Variants in RUSC2 observed in about 807,000 individuals in gnomAD.
The protein encoded by RUSC2 is RUN and SH3 domain containing 2, also known as AP-4 complex accessory subunit RUSC2.
Under a neutral mutation model 122.2 loss-of-function variants are expected in RUSC2, and 34 were observed. That is an observed-to-expected ratio of 0.28 (90% confidence interval 0.21 to 0.37). The LOEUF (loss-of-function observed/expected upper bound fraction) is 0.37. Ranked by LOEUF, RUSC2 falls within the 10% of genes least tolerant of loss-of-function variation. RUSC2 has a pLI of 1.00. For synonymous variants in RUSC2, 784 were observed against 790.0 expected, an observed-to-expected ratio of 0.99 and a Z score of 0.13; for missense variants, 1,747 against 1,952.4, an observed-to-expected ratio of 0.89 and a Z score of 1.98.
At chr9:35,508,413 G>T (rs1363509510) in intron 1 of RUSC2, among the ~76,000 whole-genome samples, 1 of 152,222 alleles carries the variant, frequency 6.6e-6, no homozygotes, top group Non-Finnish European at 1.5e-5. Context: ...TGTTTGAGAT[G>T]ACTACTGGAG....
chr9:35,491,084 A>C (rs2132479025), intron 1 of RUSC2, among the ~76,000 whole-genome samples: 1 of 150,366 alleles, frequency 6.7e-6, no homozygotes, highest in East Asian at 2.0e-4. Context: ...TCCGTGATAA[A>C]GAACACAGGC....
intron 1 of RUSC2, among the ~76,000 whole-genome samples, chr9:35,543,746 G>A (rs1041415991): frequency 2.0e-5 from 3 of 152,164 alleles, no homozygotes; most frequent in Non-Finnish European, 4.4e-5. Context: ...TGGGATTACA[G>A]GCATGAGCCA....
Position 35,548,999 on chromosome 9 carries a change from T to C in RUSC2, c.2014+464T>C, listed in dbSNP as rs1020719835. 2.2e-6 allele frequency: 2 copies of C among 927,884 alleles called. No homozygotes were observed. The highest frequency in any genetic ancestry group is 2.6e-6 in the Non-Finnish European group (2 of 778,056). The allele number at this position is 927,884 out of a possible 1,614,324, so 57.5% of individuals were successfully genotyped here. A position where few individuals can be genotyped will look rare whatever the true frequency, so the allele number is the denominator to read the frequency against. ...CTGAGCTGAGATCATACCACTGCAC[T>C]CCAGCCTGGGCAGACAGAGTGAGAT... is the stretch of plus-strand genomic sequence containing the variant. On this transcript the variant is annotated intron_variant, in intron 2 of 11. Transcript: ENST00000361226. The surrounding 1 kb of genome is among the most constrained non-coding windows in gnomAD (Gnocchi z 4.5).
intron 5 of RUSC2, 37 bp downstream of exon 5, chr9:35,556,485 T>A (rs1822023062): frequency 7.5e-6 from 12 of 1,602,200 alleles, no homozygotes; most frequent in Non-Finnish European, 7.7e-6. Flanking sequence ...GGGACTCTGC[T>A]GTCACTACCT....
At chr9:35,508,528 T>C (rs1024392383) in intron 1 of RUSC2, among the ~76,000 whole-genome samples, 8 of 152,224 alleles carry the variant, frequency 5.3e-5, no homozygotes, top group Non-Finnish European at 1.0e-4. Context: ...TGTGTGACAA[T>C]GAATTTCCTC....
rs1307413873 is a variant in RUSC2, at chr9:35,558,051, C to T, written c.3060+61C>T. ...GCAAGCCCTCACCTGTCCCGCGCTA[C>T]CACCTTCCCTTGCTGTCTTGCATTT... On this transcript the variant is annotated intron_variant, in intron 6 of 11. Transcript: ENST00000361226. This position sits in a 1 kb window ranked among gnomAD's most constrained non-coding sequence, Gnocchi z 4.3. 3.2e-6 allele frequency: 5 copies of T among 1,582,772 alleles called. No individual in the cohort carries two copies. Among genetic ancestry groups the T allele is most frequent in the Non-Finnish European group, 3.5e-6 (4 of 1,152,120 alleles).
chr9:35,514,903 A>G (rs947314736), intron 1 of RUSC2, among the ~76,000 whole-genome samples: 1 of 152,202 alleles, frequency 6.6e-6, no homozygotes, highest in African/African-American at 2.4e-5. Flanking sequence ...TGTTCATCAT[A>G]AAGAGACTAC....
In RUSC2 at chr9:35,546,907, A is replaced by C; in HGVS notation, c.386A>C (p.Gln129Pro). The C allele has an allele frequency of 6.3e-7, 1 of 1,580,444 alleles. No homozygotes were observed. Among genetic ancestry groups the C allele is most frequent in the South Asian group, 1.2e-5 (1 of 83,882 alleles). The change falls in exon 2 of 12, where the codon CAG (glutamine) becomes CCG (proline). Residue 129 changes from glutamine to proline, a missense_variant. By Grantham distance (76) the Gln-to-Pro change is moderately conservative. Transcript: ENST00000361226. The surrounding 1 kb of genome is among the most constrained non-coding windows in gnomAD (Gnocchi z 4.3). ...AGCATTGGTGACAGTGCCACCCAGCAGTCCTTCCACCTGCATGGCACTGGC... is the reference window on the plus strand; with the variant it reads ...AGCATTGGTGACAGTGCCACCCAGCCGTCCTTCCACCTGCATGGCACTGGC... Reference protein sequence around the residue: ...DDSIGDSATQQSFHLHGTGQP... With the variant: ...DDSIGDSATQPSFHLHGTGQP...
chr9:35,560,108 G>C lies in RUSC2; in HGVS notation c.3468G>C (p.Leu1156=). 1 of 1,613,078 alleles carries C rather than the reference G, an allele frequency of 6.2e-7. No individual in the cohort carries two copies. The highest frequency in any genetic ancestry group is 1.1e-5 in the South Asian group (1 of 91,080). The change falls in exon 10 of 12, where the codon CTG becomes CTC. Residue 1156 remains leucine, a synonymous_variant. Coordinates refer to ENST00000361226, the MANE Select transcript of RUSC2 (RefSeq NM_014806.5). ...HTVCPGLFEE[L]LLLLQPLALL... is the part of the protein sequence containing the mutation. Reference sequence around the variant, plus strand: ...TGTGTCCCGGCCTCTTTGAAGAGCTGCTGCTGCTGCTACAGCCCCTGGCCC... The same window carrying C: ...TGTGTCCCGGCCTCTTTGAAGAGCTCCTGCTGCTGCTACAGCCCCTGGCCC...
In RUSC2 at chr9:35,561,342, C is replaced by T. The variant is rs1822165574; in HGVS notation, c.4511C>T (p.Thr1504Ile). The T allele has an allele frequency of 6.2e-7, 1 of 1,613,888 alleles. No homozygotes were observed. The highest frequency in any genetic ancestry group is 8.5e-7 in the Non-Finnish European group (1 of 1,179,950). ...GLVPLAYVTLTPTPSPTPGSS... is the reference protein window; with the variant it reads ...GLVPLAYVTLIPTPSPTPGSS... The stretch of plus-strand genomic sequence containing the variant: ...GTGCCCCTGGCCTACGTGACATTGA[C>T]CCCAACTCCAAGTCCAACCCCTGGA... Residue 1504 changes from threonine to isoleucine, a missense_variant, in exon 12 of 12, where the codon ACC becomes ATC. Coordinates refer to ENST00000361226, the MANE Select transcript of RUSC2 (RefSeq NM_014806.5).
intron 1 of RUSC2, among the ~76,000 whole-genome samples, chr9:35,518,143 A>G (rs1281154878): frequency 6.6e-6 from 1 of 152,200 alleles, no homozygotes; most frequent in Non-Finnish European, 1.5e-5. Flanking sequence ...TGTTGTTCTG[A>G]TGACCAAGTG....
rs571960247 is a variant in RUSC2 at position 35,559,335 on chromosome 9, A to AGG, written c.3388+64_3388+65dup. 33 of 1,364,460 alleles carry AGG rather than the reference A, an allele frequency of 2.4e-5. No individual in the cohort carries two copies. In the Admixed American group the frequency reaches 2.7e-4, roughly 11 times the overall value. The allele number at this position is 1,364,460 out of a possible 1,614,324, so 84.5% of individuals were successfully genotyped here. On this transcript the variant is annotated intron_variant, in intron 9 of 11. Transcript: ENST00000361226. ...CAGAATTCAGAGGCACAAAAGAGGAAGGAAGAGCTGTCTTTTCATTGCTGG... is the reference window on the plus strand; with the variant it reads ...CAGAATTCAGAGGCACAAAAGAGGAAGGGGAAGAGCTGTCTTTTCATTGCTGG...
At chr9:35,513,566 C>T (rs1821048739) in intron 1 of RUSC2, among the ~76,000 whole-genome samples, 1 of 150,460 alleles carries the variant, frequency 6.6e-6, no homozygotes, top group Non-Finnish European at 1.5e-5. Context: ...TTGTAAATTG[C>T]TTATTTAAAA....
At chr9:35,550,168 C>T (rs1037336735) in intron 2 of RUSC2, among the ~76,000 whole-genome samples, 1 of 151,378 alleles carries the variant, frequency 6.6e-6, no homozygotes, top group Non-Finnish European at 1.5e-5. Flanking sequence ...CGAGATCACG[C>T]CACTGCACTC....
intron 1 of RUSC2, among the ~76,000 whole-genome samples, chr9:35,517,603 T>C (rs183510679): frequency 3.9e-5 from 6 of 152,324 alleles, no homozygotes; most frequent in Non-Finnish European, 7.4e-5. Context: ...TTATTATAAG[T>C]TAGTGGAAAT....
At chr9:35,535,531 TCTC>T in intron 1 of RUSC2, among the ~76,000 whole-genome samples, 1 of 149,426 alleles carries the variant, frequency 6.7e-6, no homozygotes, top group Non-Finnish European at 1.5e-5. Flanking sequence ...ACAAGGAGCT[TCTC>T]TTTTTTTTTT....
intron 1 of RUSC2, among the ~76,000 whole-genome samples, chr9:35,544,935 T>C (rs939407126): frequency 7.2e-5 from 11 of 152,184 alleles, no homozygotes; most frequent in African/African-American, 2.7e-4. Context: ...CTCTACCCAT[T>C]AGCCCATTAA....
chr9:35,501,188 A>G (rs1820811861), intron 1 of RUSC2, among the ~76,000 whole-genome samples: 1 of 152,230 alleles, frequency 6.6e-6, no homozygotes, highest in Non-Finnish European at 1.5e-5. Flanking sequence ...TGGGAGAAGT[A>G]GTCTAACCTG....
chr9:35,516,434 T>G (rs533158054), intron 1 of RUSC2, among the ~76,000 whole-genome samples: 60 of 152,134 alleles, frequency 3.9e-4, no homozygotes, highest in Admixed American at 1.4e-3. Context: ...GATTTGGAAC[T>G]TGGGGGAAAG....
Sources: allele counts gnomAD v4.1 joint callset (sites outside exome capture counted in the v4.1 genomes callset), GRCh38; gene constraint gnomAD v4.1.1; non-coding constraint Gnocchi (gnomAD v3.1); transcripts MANE v1.5; gene names NCBI Gene and HGNC (gene_info 2026-07-23, HGNC 2026-07-21).